Variants in ANKRD36C observed in about 807,000 individuals in gnomAD.
ANKRD36C encodes the protein ankyrin repeat domain 36C.
ANKRD36C carries 61 observed loss-of-function variants against 276.4 expected under a neutral mutation model. The ratio of observed to expected loss-of-function variants is 0.22; its 90% CI spans 0.18 to 0.27. The LOEUF (loss-of-function observed/expected upper bound fraction) is 0.27, where lower values mean the gene tolerates loss of function less well. ANKRD36C is among the 10% of genes least tolerant of loss of function. The probability of loss-of-function intolerance (pLI) is 1.00; values close to 1 mark genes in which losing one functional copy is unlikely to be tolerated. For missense variants in ANKRD36C, 1,447 were observed against 2,032.3 expected (o/e 0.71, Z 5.54); for synonymous variants, 483 against 680.1 (o/e 0.71, Z 4.51).
chr2:95,938,440 G>A (rs1188531203), intron 22 of ANKRD36C, among the ~76,000 whole-genome samples: 24 of 152,036 alleles, frequency 1.6e-4, no homozygotes, highest in Admixed American at 1.2e-3. Flanking sequence ...ACATAAAGTC[G>A]TTGAAGTTCT....
chr2:95,982,353 G>T, exon 4 of ANKRD36C: 1 of 1,541,348 alleles, frequency 6.5e-7, no homozygotes, highest in Non-Finnish European at 8.7e-7. Context: ...AACAGTGGCG[G>T]ATATTCATCC....
intron 52 of ANKRD36C, among the ~76,000 whole-genome samples, chr2:95,885,493 A>T (rs947077180): frequency 4.0e-5 from 6 of 151,134 alleles, no homozygotes; most frequent in African/African-American, 1.5e-4. Flanking sequence ...AAATATTCCA[A>T]ATTTATCTGA....
intron 34 of ANKRD36C, 136 bp from the exon 37 acceptor site, chr2:95,918,178 T>C: frequency 7.1e-7 from 1 of 1,400,542 alleles, no homozygotes; most frequent in Non-Finnish European, 9.8e-7. Flanking sequence ...ACTTTGTGTC[T>C]TGGGACTGGA....
chr2:95,865,453 T>C (rs1232695534), intron 60 of ANKRD36C, among the ~76,000 whole-genome samples: 3 of 152,022 alleles, frequency 2.0e-5, no homozygotes, highest in Non-Finnish European at 4.4e-5. Context: ...TATAAATCAA[T>C]AGTAACCAAA....
intron 44 of ANKRD36C, among the ~76,000 whole-genome samples, chr2:95,896,506 GGTA>G (rs1241421448): frequency 2.0e-5 from 3 of 149,692 alleles, no homozygotes; most frequent in Non-Finnish European, 4.5e-5. Context: ...TTATCCAAGA[GGTA>G]GCTCCTTGAA....
At chr2:95,873,048 C>A (rs1403532173) in intron 59 of ANKRD36C, among the ~76,000 whole-genome samples, 1 of 152,098 alleles carries the variant, frequency 6.6e-6, no homozygotes, top group Non-Finnish European at 1.5e-5. Context: ...CAAAAAGAGT[C>A]CAGGACCAGA....
At chr2:95,941,552 A>T (rs1677891895) in intron 19 of ANKRD36C, among the ~76,000 whole-genome samples, 1 of 152,176 alleles carries the variant, frequency 6.6e-6, no homozygotes, top group South Asian at 2.1e-4. Flanking sequence ...AAGTGTTTCT[A>T]GTGAGGGCAG....
chr2:95,903,252 A>C (rs1217613477), intron 42 of ANKRD36C, among the ~76,000 whole-genome samples, 171 bp from the exon 53 acceptor site: 4 of 150,674 alleles, frequency 2.7e-5, no homozygotes, highest in Non-Finnish European at 5.9e-5. Flanking sequence ...TGCTGAGAAA[A>C]GGGAATACAG....
intron 58 of ANKRD36C, among the ~76,000 whole-genome samples, chr2:95,879,971 G>A (rs527990836): frequency 5.2e-4 from 74 of 141,086 alleles, no homozygotes; most frequent in South Asian, 9.9e-4. Context: ...ACCTGAGGTC[G>A]AGAGCTCAAG....
At position 95,949,533 on chromosome 2, in the gene ANKRD36C, C is replaced by T. The variant is rs548931417; in HGVS notation, c.1296-937G>A. On this transcript the variant is annotated intron_variant, in intron 16 of 66. Transcript: ENST00000456556. ...TGTCCCCTGCAAATTCCATTCTTAT[C>T]CACTTTCATTGGGTTCAACAGCTCA... 1.2e-4 allele frequency among the ~76,000 whole-genome samples: 18 copies of T among 152,348 alleles called. No individual in the cohort carries two copies. The South Asian group carries it at 1.9e-3, about 16-fold the overall frequency.
intron 59 of ANKRD36C, among the ~76,000 whole-genome samples, chr2:95,869,957 G>C (rs1490675581): frequency 6.6e-6 from 1 of 152,380 alleles, no homozygotes; most frequent in African/African-American, 2.4e-5. Flanking sequence ...GTGAGGCTGG[G>C]GGAGGGGCAC....
intron 29 of ANKRD36C, 32 bp downstream of exon 29, chr2:95,925,487 A>T: frequency 5.2e-6 from 8 of 1,548,032 alleles, no homozygotes; most frequent in Non-Finnish European, 7.0e-6. Context: ...TATGTAATAA[A>T]TAATTCAAAA....
chr2:95,856,865 G>A (rs1443603399), intron 62 of ANKRD36C, among the ~76,000 whole-genome samples: 1 of 152,132 alleles, frequency 6.6e-6, no homozygotes, highest in Non-Finnish European at 1.5e-5. Flanking sequence ...AGTAACTTCT[G>A]TGAGGTAGAT....
chr2:95,849,150 C>T (rs1427818781), downstream of ANKRD36C, among the ~76,000 whole-genome samples: 1 of 152,076 alleles, frequency 6.6e-6, no homozygotes, highest in East Asian at 1.9e-4. Flanking sequence ...ACCTCTGCCT[C>T]CCGGGTTCAA....
intron 5 of ANKRD36C, among the ~76,000 whole-genome samples, chr2:95,978,928 A>C (rs2438925): frequency 2.0e-5 from 3 of 152,082 alleles, no homozygotes; most frequent in Admixed American, 6.6e-5. Context: ...CTTGGGCTAC[A>C]ACTACTACTT....
chr2:95,885,906 C>T (rs1005156789), intron 52 of ANKRD36C, 142 bp downstream of exon 72: 22 of 1,468,288 alleles, frequency 1.5e-5, no homozygotes, highest in African/African-American at 8.4e-5. Context: ...CAGGGTCACC[C>T]GAGGACTTAT....
In ANKRD36C at chr2:95,893,689, T is replaced by G. The variant is rs1676445961; in HGVS notation, c.2756-1829A>C. ...CTCGTTCACAATATAAATGAGAGTT[T>G]CATTACCTTCAAGGCTGGTGGTTTC... On this transcript the variant is annotated intron_variant, in intron 44 of 66. Coordinates refer to ENST00000456556, the Ensembl canonical transcript of ANKRD36C. 6.2e-7 allele frequency: 1 copy of G among 1,604,784 alleles called. No individual in the cohort carries two copies. Among genetic ancestry groups the G allele is most frequent in the African/African-American group, 1.3e-5 (1 of 74,526 alleles).
chr2:95,934,131 A>G (rs536494078), intron 24 of ANKRD36C, among the ~76,000 whole-genome samples: 1 of 152,308 alleles, frequency 6.6e-6, no homozygotes, highest in African/African-American at 2.4e-5. Flanking sequence ...GTGGAGAAAT[A>G]GGAACGCTTT....
chr2:95,890,604 C>T (rs566982502), intron 46 of ANKRD36C, among the ~76,000 whole-genome samples: 4 of 151,612 alleles, frequency 2.6e-5, no homozygotes, highest in African/African-American at 7.2e-5. Flanking sequence ...AAGTTTCTTG[C>T]ATACACTAGT....
Sources: gnomAD v4.1 joint callset for allele counts (sites outside exome capture counted in the v4.1 genomes callset) on GRCh38, gnomAD v4.1.1 for gene constraint, MANE v1.5 for transcripts, NCBI Gene and HGNC (gene_info 2026-07-23, HGNC 2026-07-21) for gene names.